Variants in TBC1D4 observed in about 807,000 individuals in gnomAD.
TBC1D4 encodes TBC (Tre-2, BUB2, CDC16) domain-containing protein.
TBC1D4 carries 121 observed loss-of-function variants against 142.5 expected under a neutral mutation model. The observed-to-expected ratio is 0.85, with a 90% CI of 0.73 to 0.99. TBC1D4 has a LOEUF of 0.99. Among genes scored for constraint, TBC1D4 ranks in the 50% least tolerant of loss-of-function variants. TBC1D4 has a pLI of 0.00. For missense variants in TBC1D4, 1,475 were observed against 1,606.6 expected, an observed-to-expected ratio of 0.92 and a Z score of 1.40; for synonymous variants, 630 against 628.2, an observed-to-expected ratio of 1.00 and a Z score of -0.04.
At chr13:75,409,416 C>T (rs1472657310) in intron 1 of TBC1D4, among the ~76,000 whole-genome samples, 1 of 152,156 alleles carries the variant, frequency 6.6e-6, no homozygotes, top group African/African-American at 2.4e-5. Flanking sequence ...AAAGTAATGG[C>T]TGGGTTCACG....
chr13:75,345,400 A>T (rs1390167561), intron 5 of TBC1D4, among the ~76,000 whole-genome samples: 1 of 152,130 alleles, frequency 6.6e-6, no homozygotes, highest in Non-Finnish European at 1.5e-5. Flanking sequence ...GAAGGAAAAA[A>T]TCCTATCAGA....
chr13:75,477,126 A>G (rs1020588845), intron 1 of TBC1D4, among the ~76,000 whole-genome samples: 2 of 152,254 alleles, frequency 1.3e-5, no homozygotes. Flanking sequence ...TTACAAAAAA[A>G]GAGATAGATC....
chr13:75,460,440 G>A (rs1026607727), intron 1 of TBC1D4, among the ~76,000 whole-genome samples: 4 of 152,168 alleles, frequency 2.6e-5, no homozygotes, highest in Non-Finnish European at 4.4e-5. Flanking sequence ...TGAACAAGAG[G>A]GCATTCCCAA....
chr13:75,444,019 A>G (rs1887164979), intron 1 of TBC1D4, among the ~76,000 whole-genome samples: 1 of 152,090 alleles, frequency 6.6e-6, no homozygotes, highest in Admixed American at 6.5e-5. Context: ...CAGAGGACAA[A>G]GGCAAAGTAA....
At chr13:75,411,525 C>A (rs1020435389) in intron 1 of TBC1D4, among the ~76,000 whole-genome samples, 2 of 152,024 alleles carry the variant, frequency 1.3e-5, no homozygotes, top group African/African-American at 2.4e-5. Context: ...ACGGGATGCA[C>A]ACAGAGCCTC....
intron 1 of TBC1D4, among the ~76,000 whole-genome samples, chr13:75,431,404 T>C (rs1886587855): frequency 6.6e-6 from 1 of 152,226 alleles, no homozygotes; most frequent in South Asian, 2.1e-4. Flanking sequence ...ATTATGTCGC[T>C]AAAGCTGTCA....
intron 1 of TBC1D4, among the ~76,000 whole-genome samples, chr13:75,456,915 G>A (rs1389843652): frequency 6.6e-6 from 1 of 151,758 alleles, no homozygotes; most frequent in Non-Finnish European, 1.5e-5. Context: ...AGTAAATGGA[G>A]AACTAAATTG....
At chr13:75,407,677 T>C (rs1398221439) in intron 1 of TBC1D4, among the ~76,000 whole-genome samples, 2 of 152,144 alleles carry the variant, frequency 1.3e-5, no homozygotes, top group Non-Finnish European at 2.9e-5. Flanking sequence ...CAACAGGTAC[T>C]CATTGTCAAT....
At chr13:75,450,573 T>G (rs1265280812) in intron 1 of TBC1D4, among the ~76,000 whole-genome samples, 1 of 152,210 alleles carries the variant, frequency 6.6e-6, no homozygotes, top group Non-Finnish European at 1.5e-5. Flanking sequence ...GATACTCTAA[T>G]TTTCCTCCTG....
Position 75,474,376 on chromosome 13 carries a change from G to A in TBC1D4, c.498+6894C>T, listed in dbSNP as rs553278451. ...AAATCGAGACCATCCTGGCTAACAC[G>A]GTGAAACCCCGTCTCTACCAAAAAT... On this transcript the variant is annotated intron_variant, in intron 1 of 20. Coordinates refer to ENST00000377636, the MANE Select transcript of TBC1D4 (RefSeq NM_014832.5). Among the ~76,000 whole-genome samples the A allele has an allele frequency of 5.3e-5, 8 of 152,246 alleles. No individual in the cohort carries two copies. In the East Asian group the frequency reaches 5.8e-4, roughly 11 times the overall value.
chr13:75,312,269 A>T (rs528428656), intron 13 of TBC1D4, among the ~76,000 whole-genome samples: 1 of 151,952 alleles, frequency 6.6e-6, no homozygotes, highest in Non-Finnish European at 1.5e-5. Flanking sequence ...GCTCTTATAA[A>T]AGGCTATGTT....
chr13:75,349,993 C>T (rs1437782887), intron 4 of TBC1D4, among the ~76,000 whole-genome samples: 5 of 152,146 alleles, frequency 3.3e-5, no homozygotes, highest in Non-Finnish European at 5.9e-5. Context: ...CCTCCATGAC[C>T]CAGTCAAAAA....
intron 1 of TBC1D4, among the ~76,000 whole-genome samples, chr13:75,432,469 G>T (rs1886630559): frequency 6.6e-6 from 1 of 152,108 alleles, no homozygotes. Flanking sequence ...AAAACATCAT[G>T]GGTCGGGTGG....
chr13:75,462,396 A>C (rs958865555), intron 1 of TBC1D4, among the ~76,000 whole-genome samples: 1 of 152,190 alleles, frequency 6.6e-6, no homozygotes, highest in African/African-American at 2.4e-5. Context: ...GAAGAATGTT[A>C]TATTTATAAC....
At chr13:75,449,205 A>ATAT (rs1887424370) in intron 1 of TBC1D4, among the ~76,000 whole-genome samples, 1 of 152,054 alleles carries the variant, frequency 6.6e-6, no homozygotes, top group Non-Finnish European at 1.5e-5. Context: ...TAAAACTGCA[A>ATAT]TATTATTGAA....
chr13:75,333,239 A>C (rs1186164333), intron 8 of TBC1D4, among the ~76,000 whole-genome samples: 1 of 152,236 alleles, frequency 6.6e-6, no homozygotes, highest in African/African-American at 2.4e-5. Context: ...ACAGGAGTTA[A>C]AACACCTACC....
intron 1 of TBC1D4, chr13:75,375,912 G>C (rs1883479108): frequency 6.6e-6 from 1 of 152,054 alleles, no homozygotes; most frequent in Non-Finnish European, 1.5e-5. Context: ...ATGTAGTCTT[G>C]ACTCTAGATA....
At chr13:75,324,164 AC>A in intron 11 of TBC1D4, 72 bp downstream of exon 11, 1 of 1,569,460 alleles carries the variant, frequency 6.4e-7, no homozygotes, top group South Asian at 1.1e-5. Flanking sequence ...AAATTAATCA[AC>A]CACTTTTTAG....
intron 11 of TBC1D4, among the ~76,000 whole-genome samples, chr13:75,322,778 T>C (rs372729406): frequency 6.6e-6 from 1 of 152,364 alleles, no homozygotes; most frequent in East Asian, 1.9e-4. Context: ...TACGGCAAAC[T>C]GATATCTTTA....
Sources: allele counts gnomAD v4.1 joint callset (sites outside exome capture counted in the v4.1 genomes callset), GRCh38; gene constraint gnomAD v4.1.1; transcripts MANE v1.5; gene names NCBI Gene and HGNC (gene_info 2026-07-23, HGNC 2026-07-21).